Variants in SHE observed in about 807,000 individuals in gnomAD.
SHE encodes SH2 domain-containing adapter protein E.
A neutral mutation model predicts 49.8 loss-of-function variants in SHE; 11 were observed. The ratio of observed to expected loss-of-function variants is 0.22; its 90% confidence interval spans 0.14 to 0.37. SHE has a LOEUF of 0.37. Among genes scored for constraint, SHE ranks in the 10% least tolerant of loss-of-function variants. The pLI is 1.00. For missense variants in SHE, 624 were observed against 655.5 expected (o/e 0.95, Z 0.52); for synonymous variants, 310 against 278.1 (o/e 1.11, Z -1.14).
intron 1 of SHE, among the ~76,000 whole-genome samples, chr1:154,473,366 C>G (rs1691797685): frequency 1.3e-5 from 2 of 151,636 alleles, no homozygotes; most frequent in African/African-American, 4.8e-5. Context: ...TCCCAGCTAC[C>G]TGGGAGGCTG....
intron 1 of SHE, among the ~76,000 whole-genome samples, chr1:154,500,704 A>C (rs977333909): frequency 6.6e-6 from 1 of 152,170 alleles, no homozygotes; most frequent in Non-Finnish European, 1.5e-5. Context: ...CCTTTTCTTA[A>C]CTTTTCCACA....
intron 4 of SHE, among the ~76,000 whole-genome samples, chr1:154,486,278 G>A (rs989483052): frequency 1.3e-5 from 2 of 152,306 alleles, no homozygotes; most frequent in African/African-American, 4.8e-5. Flanking sequence ...AGTTAACGGC[G>A]CTAGTGTCAT....
At position 154,489,198 on chromosome 1, in the gene SHE, G is replaced by T; in HGVS notation, c.877C>A (p.Pro293Thr). 8 of 1,614,194 alleles carry T rather than the reference G, an allele frequency of 5.0e-6. No homozygotes were observed. The highest frequency in any genetic ancestry group is 6.8e-6 in the Non-Finnish European group (8 of 1,180,038). The change falls in exon 3 of 6, where the codon CCC becomes ACC. Residue 293 changes from proline (P) to threonine (T), a missense_variant. Pro to Thr is a conservative substitution (Grantham distance 38, BLOSUM62 -1). Transcript: ENST00000304760. The part of the protein sequence containing the change: ...LGKPPQLYDT[P>T]YEPAEGGPRA... ...GGCCCCCCTTCTGCAGGCTCGTAGGGAGTGTCGTATAGCTGTGGCGGCTTC... is the reference window on the plus strand; with the variant it reads ...GGCCCCCCTTCTGCAGGCTCGTAGGTAGTGTCGTATAGCTGTGGCGGCTTC...
In SHE at chr1:154,487,171, C is replaced by T. The variant is rs376495061; in HGVS notation, c.1025-488G>A. Among the ~76,000 whole-genome samples, 76 of 151,064 alleles carry T rather than the reference C, an allele frequency of 5.0e-4. 1 individual carries two copies. The highest frequency in any genetic ancestry group is 1.8e-3 in the African/African-American group (73 of 41,178). Reference sequence around the variant, plus strand: ...CTTGGAGTCCCAGCTACTTGGGAGGCTGAGGCAGGAGAATCACTTGAACCC... The same window carrying T: ...CTTGGAGTCCCAGCTACTTGGGAGGTTGAGGCAGGAGAATCACTTGAACCC... On this transcript the variant is annotated intron_variant, in intron 3 of 5. Coordinates refer to ENST00000304760, the MANE Select transcript of SHE (RefSeq NM_001010846.3).
chr1:154,470,531 G>T (rs1439262644), intron 1 of SHE, among the ~76,000 whole-genome samples: 1 of 152,190 alleles, frequency 6.6e-6, no homozygotes, highest in African/African-American at 2.4e-5. Context: ...TAGCAGAGGT[G>T]TGCTGGCGAG....
chr1:154,501,551 C>A lies in SHE; in HGVS notation c.476G>T (p.Ser159Ile). The change falls in exon 1 of 6, where the codon AGC becomes ATC. Residue 159 changes from serine to isoleucine, a missense_variant. Physicochemically the swap from Ser to Ile is moderately radical, Grantham distance 142 (BLOSUM62 -2). Around this residue, in one of 4 missense-constraint regions of SHE, gnomAD observed 337 missense variants for 306.0 expected, o/e 1.10. Coordinates refer to ENST00000304760, the MANE Select transcript of SHE (RefSeq NM_001010846.3). The stretch of plus-strand genomic sequence containing the variant: ...GGAGCTACTGCTGCTGGGGTAGTTG[C>A]TCTTCCCGTTCTTCTCCTGAGTGTC... ...KVDTQEKNGK[S>I]NYPSSSSSSS... is the part of the protein sequence containing the mutation. 1 of 1,614,094 alleles carries A rather than the reference C, an allele frequency of 6.2e-7. No individual in the cohort carries two copies. The highest frequency in any genetic ancestry group is 8.5e-7 in the Non-Finnish European group (1 of 1,179,966).
chr1:154,501,371 G>T, intron 1 of SHE, 65 bp downstream of exon 1: 1 of 1,509,658 alleles, frequency 6.6e-7, no homozygotes, highest in Non-Finnish European at 9.1e-7. Context: ...AGAAGCCTAG[G>T]GCTTAGCAGG....
At chr1:154,484,488 G>C (rs1469791712) in intron 5 of SHE, 153 bp from the exon 6 acceptor site, 4 of 628,406 alleles carry the variant, frequency 6.4e-6, no homozygotes, top group Non-Finnish European at 8.1e-6. Context: ...CACTCTAGTG[G>C]TACTCTCAGA....
intron 3 of SHE, among the ~76,000 whole-genome samples, chr1:154,487,573 TG>T (rs1347412881): frequency 1.3e-5 from 2 of 151,856 alleles, no homozygotes; most frequent in Non-Finnish European, 2.9e-5. Context: ...GACTCCAGGC[TG>T]GGCATGGTAG....
Position 154,501,466 on chromosome 1 carries a change from G to T in SHE, c.561C>A (p.Asp187Glu). Residue 187 changes from aspartate (D) to glutamate (E), a missense_variant, in exon 1 of 6, where the codon GAC (aspartate) becomes GAA (glutamate). By Grantham distance (45) the Asp-to-Glu change is conservative (BLOSUM62 2). Around this residue, in one of 4 missense-constraint regions of SHE, gnomAD observed 337 missense variants for 306.0 expected, o/e 1.10. Coordinates refer to ENST00000304760, the MANE Select transcript of SHE (RefSeq NM_001010846.3). The part of the protein sequence containing the change: ...SSPSSLGPEL[D>E]KGKIIKQQET... ...CTTGCTGCTTAATAATCTTGCCCTTGTCCAGCTCGGGCCCCAGGGAGGAAG... is the reference window on the plus strand; with the variant it reads ...CTTGCTGCTTAATAATCTTGCCCTTTTCCAGCTCGGGCCCCAGGGAGGAAG... 6.2e-7 allele frequency: 1 copy of T among 1,614,170 alleles called. No individual in the cohort carries two copies. The highest frequency in any genetic ancestry group is 8.5e-7 in the Non-Finnish European group (1 of 1,180,034).
At chr1:154,500,193 T>C (rs557192624) in intron 1 of SHE, among the ~76,000 whole-genome samples, 1 of 152,212 alleles carries the variant, frequency 6.6e-6, no homozygotes, top group South Asian at 2.1e-4. Flanking sequence ...TGCAAGGGAC[T>C]GTGACTGCGA....
chr1:154,475,051 G>A (rs1044411269), downstream of SHE, among the ~76,000 whole-genome samples: 3 of 152,154 alleles, frequency 2.0e-5, no homozygotes, highest in Non-Finnish European at 4.4e-5. Flanking sequence ...GACTAATCTG[G>A]TCTAGGGAGT....
chr1:154,489,248 C>A lies in SHE; in HGVS notation c.827G>T (p.Arg276Ile). 6.2e-7 allele frequency: 1 copy of A among 1,614,212 alleles called. No homozygotes were observed. The highest frequency in any genetic ancestry group is 1.1e-5 in the South Asian group (1 of 91,084). The stretch of plus-strand genomic sequence containing the variant: ...CCCCAGGAGGTCCTTGGAACTCCGT[C>A]TTTTGGCCAAGGTCTCTGATTTCAG... ...GGLKSETLAK[R>I]RSSKDLLGKP... The change falls in exon 3 of 6, where the codon AGA (arginine) becomes ATA (isoleucine). Residue 276 changes from arginine to isoleucine, a missense_variant. By Grantham distance (97) the Arg-to-Ile change is moderately conservative. Coordinates refer to ENST00000304760, the MANE Select transcript of SHE (RefSeq NM_001010846.3).
chr1:154,486,736 A>C, intron 3 of SHE, 53 bp from the exon 4 acceptor site: 3 of 1,588,090 alleles, frequency 1.9e-6, no homozygotes, highest in Non-Finnish European at 2.6e-6. Flanking sequence ...ACCCATGTAA[A>C]CTTCAAAGGG....
intron 1 of SHE, among the ~76,000 whole-genome samples, chr1:154,500,748 G>A (rs972341461): frequency 4.6e-5 from 7 of 152,134 alleles, no homozygotes; most frequent in African/African-American, 1.7e-4. Flanking sequence ...CAGTGTGTCC[G>A]TCGCAGGAAA....
In SHE at chr1:154,502,218, C is replaced by T. The variant is rs567890722; in HGVS notation, c.-192G>A. ...ACGCGCGGGGGGCCCCGCCCGGGCT[C>T]GTCTTCAACGCCTGCCCGGCCCGAG... On this transcript the variant is annotated 5_prime_UTR_variant, in exon 1 of 6. Coordinates refer to ENST00000304760, the MANE Select transcript of SHE (RefSeq NM_001010846.3). 7.9e-4 allele frequency: 238 copies of T among 300,724 alleles called. No homozygotes were observed. The highest frequency in any genetic ancestry group is 1.1e-3 in the Non-Finnish European group (200 of 177,818). The allele number at this position is 300,724 out of a possible 1,614,324, so 18.6% of individuals were successfully genotyped here. A position where few individuals can be genotyped will look rare whatever the true frequency, so the allele number is the denominator to read the frequency against.
intron 5 of SHE, 75 bp downstream of exon 5, chr1:154,485,867 TG>T: frequency 1.9e-6 from 3 of 1,552,802 alleles, no homozygotes; most frequent in Non-Finnish European, 1.8e-6. Context: ...CTTCACAGTA[TG>T]TTTTTTTTGA....
intron 2 of SHE, among the ~76,000 whole-genome samples, chr1:154,493,713 T>G (rs1222606207): frequency 2.0e-5 from 3 of 152,238 alleles, no homozygotes; most frequent in Non-Finnish European, 4.4e-5. Flanking sequence ...AGCAGAAGAC[T>G]AAGATTTTCT....
chr1:154,490,861 G>A (rs1297328261), intron 2 of SHE, among the ~76,000 whole-genome samples: 1 of 151,674 alleles, frequency 6.6e-6, no homozygotes, highest in Non-Finnish European at 1.5e-5. Context: ...CTCTAACCAT[G>A]GTGTACAGGA....
Sources: gnomAD v4.1 joint callset for allele counts (sites outside exome capture counted in the v4.1 genomes callset) on GRCh38, gnomAD v4.1.1 for gene constraint, gnomAD v4.1.1 regional missense constraint, MANE v1.5 for transcripts, NCBI Gene and HGNC (gene_info 2026-07-23, HGNC 2026-07-21) for gene names.